Variants in VPS13D observed in about 807,000 individuals in gnomAD.
VPS13D encodes vacuolar protein sorting 13 homolog D, also known as intermembrane lipid transfer protein VPS13D.
A neutral mutation model predicts 461.9 loss-of-function variants in VPS13D; 187 were observed. The observed-to-expected ratio is 0.40, with a 90% CI of 0.36 to 0.46. The LOEUF (loss-of-function observed/expected upper bound fraction) is 0.46. Among genes scored for constraint, VPS13D ranks in the 20% least tolerant of loss-of-function variants. VPS13D has a pLI of 0.60. For missense variants in VPS13D, 4,711 were observed against 5,364.9 expected, an observed-to-expected ratio of 0.88 and a Z score of 3.81; for synonymous variants, 1,951 against 1,986.3, an observed-to-expected ratio of 0.98 and a Z score of 0.47.
rs182193388 is a variant in VPS13D, at chr1:12,377,081, C to T, written c.10918-1347C>T. Among the ~76,000 whole-genome samples, 235 of 147,540 alleles carry T rather than the reference C, an allele frequency of 1.6e-3. 2 individuals are homozygous for T. Among genetic ancestry groups the T allele is most frequent in the African/African-American group, 5.7e-3 (227 of 39,906 alleles). The stretch of plus-strand genomic sequence containing the variant: ...TTTCTTTCTTTTTTTTTTTTTGAGA[C>T]GGAGTTTCGCTCTTGTTCCCCAGGC... On this transcript the variant is annotated intron_variant, in intron 55 of 69. Transcript: ENST00000620676.
At chr1:12,268,933 A>G in intron 16 of VPS13D, 57 bp downstream of exon 16, 3 of 1,562,068 alleles carry the variant, frequency 1.9e-6, no homozygotes, top group Non-Finnish European at 2.6e-6. Context: ...CTTTATTGTT[A>G]TTTCTGGTGT....
At chr1:12,361,373 T>A (rs1643944231) in intron 50 of VPS13D, among the ~76,000 whole-genome samples, 1 of 137,036 alleles carries the variant, frequency 7.3e-6, no homozygotes, top group African/African-American at 3.0e-5. Flanking sequence ...ATTTTTATTT[T>A]TATTTATTTA....
intron 32 of VPS13D, 51 bp from the exon 33 acceptor site, chr1:12,321,758 C>T (rs777564412): frequency 6.4e-7 from 1 of 1,554,780 alleles, no homozygotes. Flanking sequence ...GGTAGTTGGA[C>T]CCTTCCTAAA....
At chr1:12,426,015 G>T (rs1422335898) in intron 65 of VPS13D, among the ~76,000 whole-genome samples, 4 of 152,174 alleles carry the variant, frequency 2.6e-5, no homozygotes, top group African/African-American at 9.7e-5. Flanking sequence ...CCTCTGTGTT[G>T]GGCCTTGGAA....
intron 61 of VPS13D, among the ~76,000 whole-genome samples, chr1:12,401,307 A>G (rs922013482): frequency 6.6e-6 from 1 of 152,178 alleles, no homozygotes; most frequent in Non-Finnish European, 1.5e-5. Flanking sequence ...GCTGCCATCC[A>G]TCTGAGCACA....
chr1:12,339,416 G>C (rs1643519956), intron 40 of VPS13D, among the ~76,000 whole-genome samples: 2 of 152,136 alleles, frequency 1.3e-5, no homozygotes, highest in Admixed American at 1.3e-4. Flanking sequence ...AACCTACACT[G>C]TTTATAATGG....
chr1:12,317,850 T>C lies in VPS13D; in HGVS notation c.7149-222T>C, dbSNP rs193157741. On this transcript the variant is annotated intron_variant, in intron 30 of 69. Coordinates refer to ENST00000620676, the MANE Select transcript of VPS13D (RefSeq NM_015378.4). ...CTGCTTTCTTATAAAATGTTCCTTGTTGTTTAAAAATATGATTAACTTATT... is the reference window on the plus strand; with the variant it reads ...CTGCTTTCTTATAAAATGTTCCTTGCTGTTTAAAAATATGATTAACTTATT... 1.1e-4 allele frequency among the ~76,000 whole-genome samples: 17 copies of C among 152,350 alleles called. No individual in the cohort carries two copies. The East Asian group carries it at 3.3e-3, about 29-fold the overall frequency.
intron 37 of VPS13D, among the ~76,000 whole-genome samples, chr1:12,331,000 C>T (rs1028069916): frequency 2.0e-5 from 3 of 152,202 alleles, no homozygotes; most frequent in Admixed American, 2.0e-4. Flanking sequence ...AAACGAAAAA[C>T]CACTGCTGAT....
rs1640919982 is a variant in VPS13D, at chr1:12,256,342, G to T, written c.679G>T (p.Ala227Ser). 6.2e-7 allele frequency: 1 copy of T among 1,613,464 alleles called. No individual in the cohort carries two copies. Among genetic ancestry groups the T allele is most frequent in the Admixed American group, 1.7e-5 (1 of 59,992 alleles). The change falls in exon 8 of 70, where the codon GCC becomes TCC. Residue 227 changes from alanine to serine, a missense_variant. By Grantham distance (99) the Ala-to-Ser change is moderately conservative. Coordinates refer to ENST00000620676, the MANE Select transcript of VPS13D (RefSeq NM_015378.4). ...LPQMELQEAM[A>S]RSMESRSHHY... ...TTCTTGTGACACACAGGAGGCCATG[G>T]CCAGGAGCATGGAGAGTCGCAGCCA... is the stretch of plus-strand genomic sequence containing the variant.
intron 61 of VPS13D, among the ~76,000 whole-genome samples, chr1:12,400,747 G>A (rs1404675063): frequency 1.3e-5 from 2 of 152,244 alleles, no homozygotes; most frequent in East Asian, 3.9e-4. Flanking sequence ...GAGCCCAGGA[G>A]TTTGAGACCA....
intron 60 of VPS13D, among the ~76,000 whole-genome samples, chr1:12,388,876 C>A (rs12093887): frequency 0.19 from 28,612 of 152,002 alleles, 4,582 homozygotes; most frequent in African/African-American, 0.43. Flanking sequence ...ACATGTTGAC[C>A]CTTGTCATAG....
chr1:12,332,097 T>C (rs1388243870), intron 37 of VPS13D, among the ~76,000 whole-genome samples: 1 of 152,248 alleles, frequency 6.6e-6, no homozygotes, highest in African/African-American at 2.4e-5. Context: ...TAGTACTTGC[T>C]ATTAGAACTA....
intron 1 of VPS13D, among the ~76,000 whole-genome samples, chr1:12,230,961 G>T (rs1639951309): frequency 6.6e-6 from 1 of 152,090 alleles, no homozygotes; most frequent in African/African-American, 2.4e-5. Flanking sequence ...TTCCTGTGGG[G>T]CCACCGGTCG....
Position 12,283,508 on chromosome 1 carries a change from T to C in VPS13D, c.5406T>C (p.Ser1802=), listed in dbSNP as rs1355806227. Residue 1802 remains serine, a synonymous_variant, in exon 21 of 70, where the codon AGT becomes AGC. Transcript: ENST00000620676. The part of the protein sequence containing the change: ...VDKKHPEFSS[S]YNRVNRSIDV... ...AGAAACATCCAGAATTCTCTTCCAG[T>C]TACAATCGAGTTAACCGGAGCATTG... is the stretch of plus-strand genomic sequence containing the variant. The C allele has an allele frequency of 1.2e-6, 2 of 1,614,260 alleles. No individual in the cohort carries two copies. Among genetic ancestry groups the C allele is most frequent in the East Asian group, 2.2e-5 (1 of 44,886 alleles).
At chr1:12,235,321 G>A (rs1640113105) in intron 2 of VPS13D, among the ~76,000 whole-genome samples, 1 of 152,176 alleles carries the variant, frequency 6.6e-6, no homozygotes, top group Admixed American at 6.5e-5. Context: ...GCTCATGCCT[G>A]TAATCCCAGT....
rs775525123 is a variant in VPS13D, at chr1:12,363,139, G to A, written c.10340G>A (p.Arg3447Gln). 4 of 1,614,174 alleles carry A rather than the reference G, an allele frequency of 2.5e-6. No individual in the cohort carries two copies. Among genetic ancestry groups the A allele is most frequent in the South Asian group, 1.1e-5 (1 of 91,082 alleles). ...PGSSVVFHWP[R>Q]NDYDQLLCVR... ...TCCAGTGTGGTGTTCCACTGGCCTC[G>A]GAATGACTATGATCAGCTATTGTGT... Residue 3447 changes from arginine to glutamine, a missense_variant, in exon 52 of 70, where the codon CGG becomes CAG. Transcript: ENST00000620676.
chr1:12,466,939 C>CT (rs1437942755), intron 67 of VPS13D, among the ~76,000 whole-genome samples: 3 of 152,170 alleles, frequency 2.0e-5, no homozygotes, highest in African/African-American at 7.2e-5. Context: ...GTGACAGTCC[C>CT]TTTATCTTCT....
intron 67 of VPS13D, 82 bp from the exon 68 acceptor site, chr1:12,497,418 G>C: frequency 6.7e-7 from 1 of 1,496,466 alleles, no homozygotes; most frequent in Admixed American, 2.0e-5. Flanking sequence ...GTATTACAGA[G>C]TGCTTTTGTC....
At chr1:12,479,688 C>T (rs955899394) in intron 67 of VPS13D, among the ~76,000 whole-genome samples, 1 of 152,136 alleles carries the variant, frequency 6.6e-6, no homozygotes, top group Non-Finnish European at 1.5e-5. Context: ...TGCTTCTGGG[C>T]CATCTCTCGG....
Sources: gnomAD v4.1 joint callset for allele counts (sites outside exome capture counted in the v4.1 genomes callset) on GRCh38, gnomAD v4.1.1 for gene constraint, MANE v1.5 for transcripts, NCBI Gene and HGNC (gene_info 2026-07-23, HGNC 2026-07-21) for gene names.